The following SDK1 variants were observed in gnomAD, a reference collection of about 807,000 sequenced individuals.
The protein encoded by SDK1 is sidekick cell adhesion molecule 1, also known as protein sidekick-1.
Under a neutral mutation model 245.5 loss-of-function variants are expected in SDK1, and 157 were observed. The observed-to-expected ratio is 0.64, with a 90% CI of 0.56 to 0.73. The LOEUF (loss-of-function observed/expected upper bound fraction) is 0.73. Among genes scored for constraint, SDK1 ranks in the 30% least tolerant of loss-of-function variants. The probability of loss-of-function intolerance (pLI) is 0.00; values close to 1 mark genes in which losing one functional copy is unlikely to be tolerated. For missense variants in SDK1, 3,583 were observed against 3,002.3 expected, an observed-to-expected ratio of 1.19 and a Z score of -4.52; for synonymous variants, 1,647 against 1,278.5, an observed-to-expected ratio of 1.29 and a Z score of -6.15.
chr7:3,477,811 G>A (rs1056120941), intron 1 of SDK1, among the ~76,000 whole-genome samples: 3 of 152,044 alleles, frequency 2.0e-5, no homozygotes, highest in African/African-American at 7.2e-5. Context: ...ACCACACCTG[G>A]CCTGCTTTAT....
chr7:3,447,919 G>C (rs970253516), intron 1 of SDK1, among the ~76,000 whole-genome samples: 1 of 151,664 alleles, frequency 6.6e-6, no homozygotes, highest in East Asian at 1.9e-4. Context: ...AGTCAGGCTG[G>C]TCTCGAATTC....
chr7:4,238,089 CT>C (rs67172945), intron 42 of SDK1, among the ~76,000 whole-genome samples: 28,648 of 145,978 alleles, frequency 0.2, 2,998 homozygotes, highest in Non-Finnish European at 0.25. Context: ...AATGCAATTG[CT>C]TTTTTTTTTT....
chr7:3,335,980 G>T (rs1583700155), intron 1 of SDK1, among the ~76,000 whole-genome samples: 2 of 152,128 alleles, frequency 1.3e-5, no homozygotes, highest in African/African-American at 2.4e-5. Context: ...AATGACAAGG[G>T]TGTCAGTTCC....
intron 5 of SDK1, among the ~76,000 whole-genome samples, chr7:3,900,403 C>T (rs78331416): frequency 0.015 from 2,247 of 152,264 alleles, 55 homozygotes; most frequent in African/African-American, 0.051. Flanking sequence ...GGTTTTTCAT[C>T]CCCAGGTTGG....
intron 23 of SDK1, among the ~76,000 whole-genome samples, chr7:4,111,231 A>G (rs1351273527): frequency 6.6e-6 from 1 of 152,204 alleles, no homozygotes; most frequent in South Asian, 2.1e-4. Flanking sequence ...CATGCCATTT[A>G]ACCTTTAGCT....
rs147270430 is a variant in SDK1 at position 4,045,109 on chromosome 7, C to T, written c.2603-4239C>T. ...CGTTCATGCGTATAAGTATTTTGTT[C>T]CCTTCTACTACTGAGCAGCATCCCA... On this transcript the variant is annotated intron_variant, in intron 17 of 44. Coordinates refer to ENST00000404826, the MANE Select transcript of SDK1 (RefSeq NM_152744.4). 4.0e-3 allele frequency among the ~76,000 whole-genome samples: 614 copies of T among 152,254 alleles called. 3 individuals are homozygous for T. Among genetic ancestry groups the T allele is most frequent in the African/African-American group, 0.012 (509 of 41,552 alleles).
chr7:3,789,948 G>C (rs879417480), intron 4 of SDK1, among the ~76,000 whole-genome samples: 1 of 152,146 alleles, frequency 6.6e-6, no homozygotes, highest in Non-Finnish European at 1.5e-5. Flanking sequence ...AGTGGCAGGA[G>C]TGGTGGGAAG....
At chr7:3,732,025 C>A (rs1298894463) in intron 4 of SDK1, among the ~76,000 whole-genome samples, 11 of 152,002 alleles carry the variant, frequency 7.2e-5, no homozygotes, top group Admixed American at 3.3e-4. Flanking sequence ...CTCCTGACCT[C>A]GTGATCCACC....
intron 1 of SDK1, among the ~76,000 whole-genome samples, chr7:3,583,463 A>G (rs1264946142): frequency 6.6e-6 from 1 of 152,200 alleles, no homozygotes; most frequent in Non-Finnish European, 1.5e-5. Context: ...ATCGCTGGAA[A>G]TATGTGAGGA....
chr7:3,468,302 T>G (rs552982290), intron 1 of SDK1, among the ~76,000 whole-genome samples: 1 of 152,306 alleles, frequency 6.6e-6, no homozygotes, highest in East Asian at 1.9e-4. Context: ...TATGATTTTA[T>G]TAACTGTGTT....
chr7:4,129,875 C>G (rs558290744), intron 26 of SDK1, 33 bp from the exon 27 acceptor site: 2 of 1,611,066 alleles, frequency 1.2e-6, no homozygotes, highest in Non-Finnish European at 8.5e-7. Context: ...GCACCCGCCT[C>G]CTGATAACCC....
chr7:4,256,934 G>A lies in SDK1; in HGVS notation c.6382-8190G>A, dbSNP rs569362320. 9.6e-4 allele frequency among the ~76,000 whole-genome samples: 146 copies of A among 152,240 alleles called. 1 individual carries two copies. Among genetic ancestry groups the A allele is most frequent in the African/African-American group, 3.4e-3 (141 of 41,524 alleles). On this transcript the variant is annotated intron_variant, in intron 44 of 44. Coordinates refer to ENST00000404826, the MANE Select transcript of SDK1 (RefSeq NM_152744.4). ...AAATTCTGCAGATCCGTTCCCAGGT[G>A]CTCAGGAGCCTTCCTGATCGGAGGT...
intron 16 of SDK1, among the ~76,000 whole-genome samples, chr7:4,014,812 A>G (rs867289386): frequency 6.6e-5 from 10 of 152,324 alleles, no homozygotes; most frequent in Middle Eastern, 6.8e-3. Context: ...GCTGCCCTGC[A>G]CTTCCGTTAT....
intron 4 of SDK1, among the ~76,000 whole-genome samples, chr7:3,769,609 G>T (rs988598528): frequency 9.9e-5 from 15 of 152,016 alleles, no homozygotes; most frequent in African/African-American, 3.6e-4. Context: ...AAGCCATAGC[G>T]GTGACATCTT....
intron 1 of SDK1, among the ~76,000 whole-genome samples, chr7:3,534,329 G>A (rs1778807301): frequency 6.6e-6 from 1 of 152,074 alleles, no homozygotes; most frequent in Admixed American, 6.6e-5. Flanking sequence ...CTTGGCTATT[G>A]TGGATAATGC....
chr7:3,582,795 G>T (rs1229677463), intron 1 of SDK1, among the ~76,000 whole-genome samples: 2 of 149,294 alleles, frequency 1.3e-5, no homozygotes, highest in Non-Finnish European at 1.5e-5. Context: ...TCCCTTTCAC[G>T]TTCTCCAGGC....
chr7:3,392,343 A>G (rs1469505355), intron 1 of SDK1, among the ~76,000 whole-genome samples: 1 of 152,176 alleles, frequency 6.6e-6, no homozygotes, highest in African/African-American at 2.4e-5. Context: ...TTGAAACTCA[A>G]ATTGTCAAAT....
chr7:3,321,841 C>T (rs1421930133), intron 1 of SDK1, among the ~76,000 whole-genome samples: 1,862 of 139,400 alleles, frequency 0.013, 104 homozygotes, highest in African/African-American at 0.049. Context: ...CCTTTTCTCT[C>T]TCTCTCTCTC....
chr7:3,316,469 G>A (rs937008735), intron 1 of SDK1, among the ~76,000 whole-genome samples: 2 of 152,194 alleles, frequency 1.3e-5, no homozygotes, highest in Non-Finnish European at 2.9e-5. Context: ...TTCGCACAAT[G>A]ACAGAATTGC....
Sources: allele counts gnomAD v4.1 joint callset (sites outside exome capture counted in the v4.1 genomes callset), GRCh38; gene constraint gnomAD v4.1.1; transcripts MANE v1.5; gene names NCBI Gene and HGNC (gene_info 2026-07-23, HGNC 2026-07-21).